ME1: variants seen among roughly 807,000 people sequenced by gnomAD.
ME1 encodes malic enzyme 1.
A neutral mutation model predicts 66.4 loss-of-function variants in ME1; 74 were observed. The observed-to-expected ratio is 1.11, with a 90% confidence interval of 0.92 to 1.35. ME1 has a LOEUF of 1.35. Ranked by LOEUF, ME1 falls within the 40% of genes most tolerant of loss-of-function variation. The pLI is 0.00. For missense variants in ME1, 750 were observed against 694.1 expected, an observed-to-expected ratio of 1.08 and a Z score of -0.90; for synonymous variants, 251 against 235.6, an observed-to-expected ratio of 1.07 and a Z score of -0.60.
intron 6 of ME1, among the ~76,000 whole-genome samples, chr6:83,312,239 A>G (rs1767943762): frequency 6.6e-6 from 1 of 152,182 alleles, no homozygotes; most frequent in Admixed American, 6.5e-5. Flanking sequence ...GGAGACTTGA[A>G]GCATCAAAAC....
At chr6:83,395,241 C>G (rs1047460750) in intron 3 of ME1, among the ~76,000 whole-genome samples, 1 of 151,814 alleles carries the variant, frequency 6.6e-6, no homozygotes, top group African/African-American at 2.4e-5. Context: ...GCAACTACCA[C>G]CACGCTCAGC....
intron 6 of ME1, among the ~76,000 whole-genome samples, chr6:83,305,809 C>A (rs1767814127): frequency 6.6e-6 from 1 of 152,132 alleles, no homozygotes. Context: ...TCTGACCTTA[C>A]CCCCAAATCA....
chr6:83,247,264 C>T (rs1790641102), intron 7 of ME1, among the ~76,000 whole-genome samples: 1 of 151,836 alleles, frequency 6.6e-6, no homozygotes, highest in African/African-American at 2.4e-5. Context: ...GAGGTTGAAA[C>T]CTTATTTTTT....
Position 83,310,745 on chromosome 6 carries a change from G to GA in ME1, c.704+4564dup, listed in dbSNP as rs891843954. ...AGTAGAGTAACTATAAGGACAATGG[G>GA]AAAAAAAACACAAAAAGCTCAGAGA... On this transcript the variant is annotated intron_variant, in intron 6 of 13. Transcript: ENST00000369705. Among the ~76,000 whole-genome samples, 98 of 151,666 alleles carry GA rather than the reference G, an allele frequency of 6.5e-4. 1 individual carries two copies. The highest frequency in any genetic ancestry group is 1.0e-3 in the African/African-American group (42 of 41,354).
intron 5 of ME1, among the ~76,000 whole-genome samples, chr6:83,342,814 G>A (rs1583391303): frequency 6.6e-6 from 1 of 152,196 alleles, no homozygotes; most frequent in African/African-American, 2.4e-5. Context: ...AGCCTCCCAA[G>A]TAGCTGGGAT....
At chr6:83,390,470 C>T (rs959956506) in intron 3 of ME1, among the ~76,000 whole-genome samples, 4 of 152,116 alleles carry the variant, frequency 2.6e-5, no homozygotes, top group Non-Finnish European at 5.9e-5. Flanking sequence ...ACATCATTCA[C>T]GCATCCACAA....
At chr6:83,268,651 C>T (rs1246245881) in intron 6 of ME1, among the ~76,000 whole-genome samples, 1 of 151,832 alleles carries the variant, frequency 6.6e-6, no homozygotes, top group Non-Finnish European at 1.5e-5. Context: ...CTGCAGTCTC[C>T]ACCTCCCGGG....
chr6:83,369,313 A>G (rs1489066614), intron 3 of ME1, among the ~76,000 whole-genome samples: 1 of 152,190 alleles, frequency 6.6e-6, no homozygotes, highest in Non-Finnish European at 1.5e-5. Flanking sequence ...TGTCTACTGA[A>G]GTGAACTGAG....
intron 7 of ME1, among the ~76,000 whole-genome samples, chr6:83,251,854 T>C (rs1790730649): frequency 6.6e-6 from 1 of 152,132 alleles, no homozygotes; most frequent in African/African-American, 2.4e-5. Flanking sequence ...CAAATTATTT[T>C]GAGGAAGAAC....
chr6:83,357,902 C>CCACTCTCTCTCT (rs1554270311), intron 3 of ME1, among the ~76,000 whole-genome samples: 5 of 31,558 alleles, frequency 1.6e-4, no homozygotes, highest in African/African-American at 6.9e-4. Flanking sequence ...AATAAACTCC[C>CCACTCTCTCTCT]CTCTCTCTCT....
intron 3 of ME1, among the ~76,000 whole-genome samples, chr6:83,381,524 G>A (rs1273617948): frequency 5.3e-5 from 8 of 151,824 alleles, no homozygotes; most frequent in Non-Finnish European, 1.2e-4. Flanking sequence ...TCCAGCTGAT[G>A]TATTTAGAGT....
chr6:83,322,699 TGGG>T (rs908354519), intron 5 of ME1, among the ~76,000 whole-genome samples: 2 of 152,156 alleles, frequency 1.3e-5, no homozygotes, highest in African/African-American at 4.8e-5. Context: ...CTGAAAGTGA[TGGG>T]GAGAATGGAA....
intron 11 of ME1, among the ~76,000 whole-genome samples, chr6:83,225,157 G>A (rs754130937): frequency 7.0e-6 from 1 of 143,322 alleles, no homozygotes; most frequent in African/African-American, 2.6e-5. Context: ...AGCCGAGATC[G>A]TGCCATTCAT....
At chr6:83,243,622 AT>A (rs1313120832) in intron 7 of ME1, among the ~76,000 whole-genome samples, 5 of 101,164 alleles carry the variant, frequency 4.9e-5, no homozygotes, top group African/African-American at 1.5e-4. Context: ...TATCGATATA[AT>A]CTATTATAAT....
At chr6:83,422,429 T>C (rs1028335002) in intron 1 of ME1, among the ~76,000 whole-genome samples, 6 of 152,138 alleles carry the variant, frequency 3.9e-5, no homozygotes, top group East Asian at 1.9e-4. Flanking sequence ...AATATGCAAA[T>C]GTCCAGAATA....
Position 83,243,454 on chromosome 6 carries a change from GATTATATTTATATATTT to G in ME1, c.815-3835_815-3819del, listed in dbSNP as rs1790546655. ...ATTTATATAATATATTATATAATTA[GATTATATTTATATATTT>G]ATATAATCTATTATAATTATGTTAT... On this transcript the variant is annotated intron_variant, in intron 7 of 13. Coordinates refer to ENST00000369705, the MANE Select transcript of ME1 (RefSeq NM_002395.6). Among the ~76,000 whole-genome samples the G allele has an allele frequency of 4.0e-5, 3 of 74,446 alleles. No homozygotes were observed. The Admixed American group carries it at 4.8e-4, about 12-fold the overall frequency. The allele number at this position is 74,446 out of a possible 152,430, so 48.8% of individuals were successfully genotyped here. A position where few individuals can be genotyped will look rare whatever the true frequency, so the allele number is the denominator to read the frequency against.
At chr6:83,263,785 TAACATAACATAACATAA>T (rs1177639351) in intron 6 of ME1, among the ~76,000 whole-genome samples, 1 of 133,688 alleles carries the variant, frequency 7.5e-6, no homozygotes, top group African/African-American at 3.0e-5. Context: ...TAACATAACA[TAACATAACATAACATAA>T]CATAACATAA....
chr6:83,363,484 A>G (rs1485609836), intron 3 of ME1, among the ~76,000 whole-genome samples: 1 of 152,218 alleles, frequency 6.6e-6, no homozygotes, highest in Non-Finnish European at 1.5e-5. Context: ...CCCTGTGATT[A>G]AGGTCAATGA....
At chr6:83,358,129 G>C (rs1179564066) in intron 3 of ME1, among the ~76,000 whole-genome samples, 1 of 151,064 alleles carries the variant, frequency 6.6e-6, no homozygotes, top group Admixed American at 6.6e-5. Context: ...TGGGGTTTTG[G>C]GAGTTGGCTG....
Sources: gnomAD v4.1 joint callset for allele counts (sites outside exome capture counted in the v4.1 genomes callset) on GRCh38, gnomAD v4.1.1 for gene constraint, MANE v1.5 for transcripts, NCBI Gene and HGNC (gene_info 2026-07-23, HGNC 2026-07-21) for gene names.